Variants in ZNF208 observed in about 807,000 individuals in gnomAD.
ZNF208 encodes zinc finger protein 208.
ZNF208 carries 10 observed loss-of-function variants against 12.1 expected under a neutral mutation model. The ratio of observed to expected loss-of-function variants is 0.83; its 90% CI spans 0.51 to 1.40. The LOEUF (loss-of-function observed/expected upper bound fraction) is 1.40. Among genes scored for constraint, ZNF208 ranks in the 40% most tolerant of loss-of-function variants. ZNF208 has a pLI of 0.00. For missense variants in ZNF208, 1,652 were observed against 1,485.0 expected, an observed-to-expected ratio of 1.11 and a Z score of -1.85; for synonymous variants, 497 against 488.4, an observed-to-expected ratio of 1.02 and a Z score of -0.23.
rs749264681 is a variant in ZNF208, at chr19:21,972,014, C to A, written c.3020G>T (p.Gly1007Val). ...GEKPYKCEEC[G>V]KAFNWSSNLM... ...GTTTGATGACCAGTTGAAAGCTTTG[C>A]CACATTCTTCACATTTGTAGGGTTT... The change falls in exon 4 of 4, where the codon GGC (glycine) becomes GTC (valine). Residue 1007 changes from glycine to valine, a missense_variant. Coordinates refer to ENST00000397126, the MANE Select transcript of ZNF208 (RefSeq NM_007153.3). 8.1e-6 allele frequency: 13 copies of A among 1,613,638 alleles called. No individual in the cohort carries two copies. Among genetic ancestry groups the A allele is most frequent in the Middle Eastern group, 1.6e-4 (1 of 6,080 alleles).
chr19:21,951,014 T>C (rs1237851658), intron 4 of ZNF208, among the ~76,000 whole-genome samples: 1 of 152,266 alleles, frequency 6.6e-6, no homozygotes, highest in Non-Finnish European at 1.5e-5. Context: ...GCCTCTTGGT[T>C]CATGCAACTT....
At chr19:21,952,009 C>T (rs1226624283) in intron 4 of ZNF208, among the ~76,000 whole-genome samples, 2 of 152,244 alleles carry the variant, frequency 1.3e-5, no homozygotes, top group Non-Finnish European at 2.9e-5. Context: ...CCGTACCTGG[C>T]TCAGCAGGTC....
At chr19:21,944,760 G>A (rs1176192972) in intron 4 of ZNF208, among the ~76,000 whole-genome samples, 2 of 152,160 alleles carry the variant, frequency 1.3e-5, no homozygotes, top group Non-Finnish European at 2.9e-5. Flanking sequence ...TGACAATGTT[G>A]ACATAACAGC....
chr19:21,972,877 T>C lies in ZNF208; in HGVS notation c.2157A>G (p.Lys719=), dbSNP rs879218408. 1 of 1,612,910 alleles carries C rather than the reference T, an allele frequency of 6.2e-7. No individual in the cohort carries two copies. The highest frequency in any genetic ancestry group is 1.3e-5 in the African/African-American group (1 of 74,814). Residue 719 remains lysine (K), a synonymous_variant, in exon 4 of 4, where the codon AAA becomes AAG. Coordinates refer to ENST00000397126, the MANE Select transcript of ZNF208 (RefSeq NM_007153.3). ...MEHKRIHTGE[K]PYKCEECGKS... Reference sequence around the variant, plus strand: ...TGCCACATTCTTCACATTTGTAGGGTTTCTCTCCAGTATGAATTCTCTTAT... The same window carrying C: ...TGCCACATTCTTCACATTTGTAGGGCTTCTCTCCAGTATGAATTCTCTTAT...
rs780777236 is a variant in ZNF208 at position 21,971,693 on chromosome 19, T to A, written c.3341A>T (p.Lys1114Ile). The change falls in exon 4 of 4, where the codon AAA becomes ATA. Residue 1114 changes from lysine to isoleucine, a missense_variant. Physicochemically the swap from Lys to Ile is moderately radical, Grantham distance 102. Transcript: ENST00000397126. ...AAAGCTTTTGCCACATTCTTCACAT[T>A]TGTAGGGTTTCTCTCCAGTATGAAT... ...KRIHTGEKPY[K>I]CEECGKSFST... 4.3e-6 allele frequency: 7 copies of A among 1,613,800 alleles called. No individual in the cohort carries two copies. In the African/African-American group the frequency reaches 9.3e-5, roughly 22 times the overall value.
At chr19:21,956,639 G>T (rs139124581) in intron 4 of ZNF208, among the ~76,000 whole-genome samples, 5 of 152,224 alleles carry the variant, frequency 3.3e-5, no homozygotes, top group African/African-American at 1.2e-4. Context: ...CTGTGAGTCA[G>T]GTACTGGATA....
At position 21,972,799 on chromosome 19, in the gene ZNF208, T is replaced by C; in HGVS notation, c.2235A>G (p.Gly745=). The C allele has an allele frequency of 6.2e-7, 1 of 1,611,926 alleles. No individual in the cohort carries two copies. The highest frequency in any genetic ancestry group is 8.5e-7 in the Non-Finnish European group (1 of 1,179,792). The change falls in exon 4 of 4, where the codon GGA becomes GGG. Residue 745 remains glycine, a synonymous_variant. Coordinates refer to ENST00000397126, the MANE Select transcript of ZNF208 (RefSeq NM_007153.3). ...VLTKHKVIHT[G]EKPYKCEECG... ...ATTCTTCACATTTGTAGGGTTTCTC[T>C]CCAGTATGAATTACCTTATGTTTAG... is the stretch of plus-strand genomic sequence containing the variant.
intron 1 of ZNF208, among the ~76,000 whole-genome samples, chr19:21,992,884 T>C (rs1424024579): frequency 6.6e-6 from 1 of 152,218 alleles, no homozygotes; most frequent in African/African-American, 2.4e-5. Flanking sequence ...ACATGTTTTC[T>C]GGAGGAAGCA....
At position 22,008,729 on chromosome 19, in the gene ZNF208, G is replaced by A. The variant is rs184960095; in HGVS notation, c.3+2063C>T. Among the ~76,000 whole-genome samples, 31 of 152,196 alleles carry A rather than the reference G, an allele frequency of 2.0e-4. No homozygotes were observed. In the East Asian group the frequency reaches 5.6e-3, roughly 28 times the overall value. On this transcript the variant is annotated intron_variant, in intron 1 of 3. Transcript: ENST00000397126. ...GTCTCCAAGAAATGGAAGCTGCGTT[G>A]GGTAAAGACAACACTAATATCTCAA...
chr19:21,949,472 A>G (rs1969860259), intron 4 of ZNF208, among the ~76,000 whole-genome samples: 1 of 152,144 alleles, frequency 6.6e-6, no homozygotes. Context: ...GACCTTACAC[A>G]TTACTGGTTT....
At chr19:21,988,738 A>G (rs767762064) in intron 2 of ZNF208, 45 bp downstream of exon 2, 1 of 1,613,604 alleles carries the variant, frequency 6.2e-7, no homozygotes, top group Non-Finnish European at 8.5e-7. Flanking sequence ...AGCAAAATGA[A>G]ACCTGTAGTG....
intron 1 of ZNF208, among the ~76,000 whole-genome samples, chr19:22,005,594 T>TTG (rs1399346199): frequency 3.9e-5 from 6 of 152,150 alleles, no homozygotes; most frequent in African/African-American, 1.4e-4. Flanking sequence ...TCCCACAACA[T>TTG]TGTCCTCACT....
Position 21,980,803 on chromosome 19 carries a change from A to G in ZNF208, c.227-5996T>C, listed in dbSNP as rs548160552. Among the ~76,000 whole-genome samples, 6 of 152,244 alleles carry G rather than the reference A, an allele frequency of 3.9e-5. No individual in the cohort carries two copies. The East Asian group carries it at 9.7e-4, about 25-fold the overall frequency. On this transcript the variant is annotated intron_variant, in intron 3 of 3. Transcript: ENST00000397126. ...CTGGTTTTTTGAAAAGATTAACAAA[A>G]TAGACTGCTAGCCAGTCTAATAAAG...
chr19:22,004,137 C>A (rs1294136789), intron 1 of ZNF208, among the ~76,000 whole-genome samples: 1 of 152,090 alleles, frequency 6.6e-6, no homozygotes, highest in Admixed American at 6.6e-5. Flanking sequence ...CAAGATCACA[C>A]CACTGCACTC....
rs1182290394 is a variant in ZNF208 at position 21,971,835 on chromosome 19, T to C, written c.3199A>G (p.Ser1067Gly). Reference sequence around the variant, plus strand: ...TGTTCAGTAAGTCTTGAGGGCCAGCTGAAGGCTTTGCCACATTCTTCACAT... The same window carrying C: ...TGTTCAGTAAGTCTTGAGGGCCAGCCGAAGGCTTTGCCACATTCTTCACAT... The part of the protein sequence containing the change: ...YKCEECGKAF[S>G]WPSRLTEHKA... The change falls in exon 4 of 4, where the codon AGC becomes GGC. Residue 1067 changes from serine (S) to glycine (G), a missense_variant. By Grantham distance (56) the Ser-to-Gly change is moderately conservative. Around this residue, in one of 3 missense-constraint regions of ZNF208, gnomAD observed 1,239 missense variants for 1,086.2 expected, o/e 1.14. Transcript: ENST00000397126. The C allele has an allele frequency of 1.9e-6, 3 of 1,613,678 alleles. No individual in the cohort carries two copies. The South Asian group carries it at 3.3e-5, about 18-fold the overall frequency.
At chr19:21,987,032 G>C in intron 3 of ZNF208, 184 bp downstream of exon 3, 2 of 559,418 alleles carry the variant, frequency 3.6e-6, no homozygotes, top group East Asian at 6.5e-5. Context: ...AGAATTCTTA[G>C]AAATTTTAAA....
chr19:22,007,929 G>A (rs567286332), intron 1 of ZNF208, among the ~76,000 whole-genome samples: 32 of 148,776 alleles, frequency 2.2e-4, no homozygotes, highest in Non-Finnish European at 3.4e-4. Flanking sequence ...ACTTGAACTC[G>A]TGATGCAGAG....
chr19:21,969,138 T>G lies in ZNF208; in HGVS notation c.*2053A>C, dbSNP rs911609390. Reference sequence around the variant, plus strand: ...GCTAGACCTTGGCTAATTTCTTTATTTCTTTTTAGTAAACATGTTTAGTAA... The same window carrying G: ...GCTAGACCTTGGCTAATTTCTTTATGTCTTTTTAGTAAACATGTTTAGTAA... On this transcript the variant is annotated 3_prime_UTR_variant, in exon 4 of 4. Coordinates refer to ENST00000397126, the MANE Select transcript of ZNF208 (RefSeq NM_007153.3). 3.3e-5 allele frequency among the ~76,000 whole-genome samples: 5 copies of G among 152,188 alleles called. No individual in the cohort carries two copies. The highest frequency in any genetic ancestry group is 9.6e-5 in the African/African-American group (4 of 41,460).
At chr19:21,997,605 C>T (rs1267735697) in intron 1 of ZNF208, 1 of 152,070 alleles carries the variant, frequency 6.6e-6, no homozygotes, top group Admixed American at 6.6e-5. Context: ...AAACTCACAT[C>T]TTAGGTGAAC....
Sources: gnomAD v4.1 joint callset for allele counts (sites outside exome capture counted in the v4.1 genomes callset) on GRCh38, gnomAD v4.1.1 for gene constraint, gnomAD v4.1.1 regional missense constraint, MANE v1.5 for transcripts, NCBI Gene and HGNC (gene_info 2026-07-23, HGNC 2026-07-21) for gene names.